Variants in CNTN3 observed in about 807,000 individuals in gnomAD.
The protein encoded by CNTN3 is contactin-3.
A neutral mutation model predicts 119.1 loss-of-function variants in CNTN3; 60 were observed. That is an observed-to-expected ratio of 0.50 (90% CI 0.41 to 0.62). The LOEUF (loss-of-function observed/expected upper bound fraction) is 0.62. CNTN3 is among the 20% of genes least tolerant of loss of function. The pLI, the probability that CNTN3 is intolerant of heterozygous loss-of-function variation, is 0.00. For missense variants in CNTN3, 1,101 were observed against 1,242.4 expected (o/e 0.89, Z 1.71); for synonymous variants, 450 against 438.7 (o/e 1.03, Z -0.32).
At chr3:74,476,469 A>G (rs965008952) in intron 4 of CNTN3, among the ~76,000 whole-genome samples, 2 of 152,214 alleles carry the variant, frequency 1.3e-5, no homozygotes, top group Non-Finnish European at 1.5e-5. Context: ...GAGGCTAACA[A>G]GAATCAAATG....
At chr3:74,504,448 C>G (rs1703217311) in intron 2 of CNTN3, among the ~76,000 whole-genome samples, 1 of 152,098 alleles carries the variant, frequency 6.6e-6, no homozygotes, top group Admixed American at 6.6e-5. Context: ...TAGGAAAAAA[C>G]TTTTAAAAGA....
chr3:74,378,802 G>C (rs149491138), intron 5 of CNTN3, among the ~76,000 whole-genome samples: 1,920 of 152,292 alleles, frequency 0.013, 21 homozygotes, highest in Non-Finnish European at 0.018. Flanking sequence ...ATCAAGTTAT[G>C]AGCTTAACAT....
Position 74,266,406 on chromosome 3 carries a change from G to A in CNTN3, c.2986+75C>T, listed in dbSNP as rs1376412220. The A allele has an allele frequency of 1.6e-5, 22 of 1,382,260 alleles. No homozygotes were observed. In the East Asian group the frequency reaches 1.6e-4, roughly 10 times the overall value. The allele number at this position is 1,382,260 out of a possible 1,614,324, so 85.6% of individuals were successfully genotyped here. ...TGCTGGAAAGAAAGAATGGACAGAG[G>A]GATACTGATTGACTCACTATGGCGG... On this transcript the variant is annotated intron_variant, in intron 22 of 22. Coordinates refer to ENST00000263665, the MANE Select transcript of CNTN3 (RefSeq NM_020872.3).
At chr3:74,588,746 A>G (rs901501123) in intron 1 of CNTN3, among the ~76,000 whole-genome samples, 4 of 152,204 alleles carry the variant, frequency 2.6e-5, no homozygotes, top group African/African-American at 9.6e-5. Context: ...TGGTACTGGT[A>G]CCAAAACAGA....
chr3:74,427,464 C>A (rs936166164), intron 4 of CNTN3, among the ~76,000 whole-genome samples: 4 of 152,048 alleles, frequency 2.6e-5, no homozygotes, highest in Non-Finnish European at 1.5e-5. Context: ...TTTTGCAACA[C>A]TAGGAACTAT....
rs758481841 is a variant in CNTN3 at position 74,417,800 on chromosome 3, G to A, written c.454+7045C>T. The stretch of plus-strand genomic sequence containing the variant: ...ATTCAGAACATACTTGTCTTAATGC[G>A]ACTATGAATCTGTTAATATTCTGAA... On this transcript the variant is annotated intron_variant, in intron 5 of 22. Coordinates refer to ENST00000263665, the MANE Select transcript of CNTN3 (RefSeq NM_020872.3). Among the ~76,000 whole-genome samples the A allele has an allele frequency of 9.0e-4, 137 of 152,204 alleles. 1 individual carries two copies. Among genetic ancestry groups the A allele is most frequent in the Non-Finnish European group, 1.4e-3 (97 of 68,008 alleles).
chr3:74,526,165 G>C (rs1051706761), intron 1 of CNTN3, among the ~76,000 whole-genome samples: 1 of 151,386 alleles, frequency 6.6e-6, no homozygotes, highest in Non-Finnish European at 1.5e-5. Flanking sequence ...CTCCAATTTC[G>C]ATACTTCAGA....
At position 74,264,494 on chromosome 3, in the gene CNTN3, A is replaced by G; in HGVS notation, c.2994T>C (p.Asp998=). 1 of 1,608,178 alleles carries G rather than the reference A, an allele frequency of 6.2e-7. No homozygotes were observed. Among genetic ancestry groups the G allele is most frequent in the Non-Finnish European group, 8.5e-7 (1 of 1,175,240 alleles). ...AGATGGCTGAAGTGGATCCTCTTGC[A>G]TCCATACCTGTCAAAGTTGATGAAG... ...QIRIPRITSM[D]ARGSTSAISN... Residue 998 remains aspartate, a synonymous_variant, in exon 23 of 23, where the codon GAT becomes GAC. Coordinates refer to ENST00000263665, the MANE Select transcript of CNTN3 (RefSeq NM_020872.3).
At chr3:74,575,407 A>G (rs942877873) in intron 1 of CNTN3, among the ~76,000 whole-genome samples, 2 of 151,278 alleles carry the variant, frequency 1.3e-5, no homozygotes, top group African/African-American at 4.9e-5. Context: ...GGGTGCCATC[A>G]TGCCTGACTA....
At chr3:74,389,985 T>C (rs1473052725) in intron 5 of CNTN3, among the ~76,000 whole-genome samples, 1 of 152,216 alleles carries the variant, frequency 6.6e-6, no homozygotes, top group Non-Finnish European at 1.5e-5. Context: ...TGATAATTTG[T>C]AGGAGACAAC....
chr3:74,564,505 G>C (rs1479041163), intron 1 of CNTN3, among the ~76,000 whole-genome samples: 1 of 151,312 alleles, frequency 6.6e-6, no homozygotes. Flanking sequence ...ACTGGAGAAG[G>C]GCAAAGGCAG....
chr3:74,505,529 CAT>C (rs797017037), intron 2 of CNTN3, among the ~76,000 whole-genome samples: 28 of 131,878 alleles, frequency 2.1e-4, no homozygotes, highest in Admixed American at 1.6e-3. Context: ...ACACACCACA[CAT>C]ACACACAATA....
chr3:74,479,607 TTTTTTAGGACATGGAGG>T (rs1240587491), intron 4 of CNTN3, among the ~76,000 whole-genome samples: 3 of 150,280 alleles, frequency 2.0e-5, no homozygotes, highest in African/African-American at 7.5e-5. Flanking sequence ...TGATGCATCC[TTTTTTAGGACATGGAGG>T]ACATGACACC....
rs190835230 is a variant in CNTN3 at position 74,457,818 on chromosome 3, G to T, written c.358+28638C>A. ...CAACAAACAAATTGAAAGGATCTAA[G>T]AAATTTTAAATGAAACACAACCACA... On this transcript the variant is annotated intron_variant, in intron 4 of 22. Coordinates refer to ENST00000263665, the MANE Select transcript of CNTN3 (RefSeq NM_020872.3). Among the ~76,000 whole-genome samples, 100 of 152,054 alleles carry T rather than the reference G, an allele frequency of 6.6e-4. 2 individuals carry two copies. Among genetic ancestry groups the T allele is most frequent in the Non-Finnish European group, 3.4e-4 (23 of 67,920 alleles).
chr3:74,402,367 T>C (rs1246966691), intron 5 of CNTN3, among the ~76,000 whole-genome samples: 6 of 152,208 alleles, frequency 3.9e-5, no homozygotes, highest in Non-Finnish European at 5.9e-5. Context: ...TTAAATATCA[T>C]CTAATCTTAC....
chr3:74,432,206 A>G (rs1412480624), intron 4 of CNTN3, among the ~76,000 whole-genome samples: 1 of 152,172 alleles, frequency 6.6e-6, no homozygotes, highest in Non-Finnish European at 1.5e-5. Flanking sequence ...AAAAGCTAAG[A>G]AGAAACCCAA....
chr3:74,594,265 C>CTTTTTTTCTTTTTTTTTTTT (rs1704753966), intron 1 of CNTN3, among the ~76,000 whole-genome samples: 1 of 108,220 alleles, frequency 9.2e-6, no homozygotes, highest in African/African-American at 4.0e-5. Context: ...AACTGTATTT[C>CTTTTTTTCTTTTTTTTTTTT]TTTTTTTCTT....
chr3:74,455,874 C>G (rs1017834489), intron 4 of CNTN3, among the ~76,000 whole-genome samples: 1 of 152,010 alleles, frequency 6.6e-6, no homozygotes, highest in African/African-American at 2.4e-5. Flanking sequence ...CCAGGAGGGT[C>G]TGAAGCAACA....
chr3:74,290,258 C>A (rs1375247083), intron 19 of CNTN3, among the ~76,000 whole-genome samples: 2 of 152,274 alleles, frequency 1.3e-5, no homozygotes, highest in South Asian at 4.1e-4. Context: ...AGGCTATAAA[C>A]CTGTACAGCA....
Sources: allele counts gnomAD v4.1 joint callset (sites outside exome capture counted in the v4.1 genomes callset), GRCh38; gene constraint gnomAD v4.1.1; transcripts MANE v1.5; gene names NCBI Gene and HGNC (gene_info 2026-07-23, HGNC 2026-07-21).